TRPM3: variants seen among roughly 807,000 people sequenced by gnomAD.
The protein encoded by TRPM3 is long transient receptor potential channel 3.
In TRPM3, 77 loss-of-function variants were observed where a neutral mutation model predicts 181.2. The observed-to-expected ratio is 0.42, with a 90% CI of 0.35 to 0.51. TRPM3 has a LOEUF of 0.51. Ranked by LOEUF, TRPM3 falls within the 20% of genes least tolerant of loss-of-function variation. TRPM3 has a pLI of 0.01. For missense variants in TRPM3, 1,759 were observed against 2,196.7 expected (o/e 0.80, Z 3.98); for synonymous variants, 745 against 796.4 (o/e 0.94, Z 1.09).
At chr9:71,235,327 CA>C (rs1456991183) in intron 1 of TRPM3, among the ~76,000 whole-genome samples, 4 of 152,228 alleles carry the variant, frequency 2.6e-5, no homozygotes, top group African/African-American at 9.6e-5. Context: ...GATTTGTCAA[CA>C]TTGCATATGT....
chr9:70,810,391 C>A (rs7861859), intron 6 of TRPM3, among the ~76,000 whole-genome samples: 36,761 of 143,688 alleles, frequency 0.26, 5,210 homozygotes, highest in African/African-American at 0.47. Context: ...TTGCCTCCAA[C>A]CCCACCCTCC....
At chr9:70,638,894 G>C (rs1041396117) in intron 11 of TRPM3, among the ~76,000 whole-genome samples, 166 bp downstream of exon 11, 3 of 152,070 alleles carry the variant, frequency 2.0e-5, no homozygotes, top group Admixed American at 2.0e-4. Context: ...GCGGAATCTT[G>C]GTGACTTGGT....
intron 1 of TRPM3, among the ~76,000 whole-genome samples, chr9:71,414,511 C>A (rs2131480545): frequency 6.6e-6 from 1 of 152,180 alleles, no homozygotes; most frequent in South Asian, 2.1e-4. Context: ...TCATTAAGAT[C>A]TATTCTGCCA....
At chr9:70,900,791 A>G (rs1406529174) in intron 1 of TRPM3, among the ~76,000 whole-genome samples, 1 of 152,212 alleles carries the variant, frequency 6.6e-6, no homozygotes, top group Non-Finnish European at 1.5e-5. Context: ...TGTAAGACTG[A>G]TAAGGAGACT....
intron 20 of TRPM3, among the ~76,000 whole-genome samples, chr9:70,600,313 G>A (rs1200017450): frequency 6.6e-6 from 1 of 152,146 alleles, no homozygotes; most frequent in East Asian, 1.9e-4. Flanking sequence ...TCAAAGGAGA[G>A]GAGAGAAAAG....
At chr9:71,343,949 T>C (rs1256417508) in intron 1 of TRPM3, among the ~76,000 whole-genome samples, 2 of 152,146 alleles carry the variant, frequency 1.3e-5, no homozygotes, top group South Asian at 2.1e-4. Context: ...TGGGACAATT[T>C]GAGTATCAAA....
rs76550235 is a variant in TRPM3, at chr9:71,346,089, T to A, written c.183+100564A>T. On this transcript the variant is annotated intron_variant, in intron 1 of 24. Coordinates refer to the TRPM3 transcript ENST00000357533. ...TAAAAGAATTGTACAAGAATATTCA[T>A]AGCAGTTTTACTCACTCCAAAATTG... Among the ~76,000 whole-genome samples the A allele has an allele frequency of 4.6e-4, 70 of 152,340 alleles. No homozygotes were observed. The East Asian group carries it at 7.1e-3, about 16-fold the overall frequency.
intron 1 of TRPM3, among the ~76,000 whole-genome samples, chr9:71,378,957 G>A (rs1365860702): frequency 6.6e-6 from 1 of 151,882 alleles, no homozygotes; most frequent in African/African-American, 2.4e-5. Flanking sequence ...AGTAAAATTA[G>A]AATTGCCATG....
intron 1 of TRPM3, among the ~76,000 whole-genome samples, chr9:71,315,114 A>G (rs1360119694): frequency 2.0e-5 from 3 of 152,148 alleles, no homozygotes; most frequent in Non-Finnish European, 4.4e-5. Context: ...GGGTTTAATA[A>G]GCACTGATAC....
At chr9:70,633,389 G>T (rs920821090) in intron 12 of TRPM3, among the ~76,000 whole-genome samples, 2 of 151,980 alleles carry the variant, frequency 1.3e-5, no homozygotes, top group South Asian at 4.2e-4. Context: ...GTTTGTTGAG[G>T]GTAGATCTAC....
chr9:71,316,189 T>G (rs2088573139), intron 1 of TRPM3, among the ~76,000 whole-genome samples: 1 of 152,200 alleles, frequency 6.6e-6, no homozygotes, highest in Admixed American at 6.5e-5. Context: ...TGGCAACTGC[T>G]AACTAAAAGG....
intron 1 of TRPM3, among the ~76,000 whole-genome samples, chr9:71,105,682 C>T (rs1309245133): frequency 6.6e-6 from 1 of 152,156 alleles, no homozygotes; most frequent in African/African-American, 2.4e-5. Context: ...CAAAGCCATG[C>T]TCCTGGCTAA....
chr9:71,384,904 G>A (rs1326218985), intron 1 of TRPM3, among the ~76,000 whole-genome samples: 1 of 152,072 alleles, frequency 6.6e-6, no homozygotes, highest in Non-Finnish European at 1.5e-5. Context: ...TCATTCTTCA[G>A]TTAATAAAAA....
chr9:71,437,922 G>T (rs921039299), intron 1 of TRPM3, among the ~76,000 whole-genome samples: 1 of 149,668 alleles, frequency 6.7e-6, no homozygotes, highest in Admixed American at 6.7e-5. Context: ...GCTCTTTGAA[G>T]AAAAATTTGC....
intron 22 of TRPM3, among the ~76,000 whole-genome samples, chr9:70,565,141 C>T (rs974240093): frequency 2.6e-5 from 4 of 152,198 alleles, no homozygotes; most frequent in African/African-American, 9.6e-5. Context: ...ATGTATGCTG[C>T]ATATGAACTG....
intron 22 of TRPM3, among the ~76,000 whole-genome samples, chr9:70,570,966 T>C (rs1192236699): frequency 6.6e-6 from 1 of 152,258 alleles, no homozygotes; most frequent in African/African-American, 2.4e-5. Context: ...TTGGAAGAGA[T>C]AATGAGGTAC....
chr9:71,379,642 A>T (rs1312363300), intron 1 of TRPM3, among the ~76,000 whole-genome samples: 1 of 151,980 alleles, frequency 6.6e-6, no homozygotes, highest in Admixed American at 6.6e-5. Context: ...GATGACTCTC[A>T]AACACTCACA....
At chr9:71,151,375 T>C (rs1045723344) in intron 1 of TRPM3, among the ~76,000 whole-genome samples, 7 of 152,042 alleles carry the variant, frequency 4.6e-5, no homozygotes, top group African/African-American at 1.7e-4. Flanking sequence ...GTAAATAACT[T>C]CAAAGGCTCC....
chr9:71,194,004 T>G (rs1040664104), intron 1 of TRPM3, among the ~76,000 whole-genome samples: 4 of 151,944 alleles, frequency 2.6e-5, no homozygotes, highest in Non-Finnish European at 4.4e-5. Context: ...AATTTTAAAA[T>G]GAAAAATAAT....
Sources: allele counts gnomAD v4.1 joint callset (sites outside exome capture counted in the v4.1 genomes callset), GRCh38; gene constraint gnomAD v4.1.1; transcripts MANE v1.5; gene names NCBI Gene and HGNC (gene_info 2026-07-23, HGNC 2026-07-21).